Variants in RUBCNL observed in about 807,000 individuals in gnomAD.
The protein encoded by RUBCNL is protein associated with UVRAG as autophagy enhancer.
RUBCNL carries 62 observed loss-of-function variants against 69.5 expected under a neutral mutation model. That is an observed-to-expected ratio of 0.89 (90% CI 0.73 to 1.10). RUBCNL has a LOEUF of 1.10. Ranked by LOEUF, RUBCNL falls within the 50% of genes least tolerant of loss-of-function variation. The probability of loss-of-function intolerance (pLI) is 0.00; values close to 1 mark genes in which losing one functional copy is unlikely to be tolerated. For synonymous variants in RUBCNL, 291 were observed against 303.6 expected, an observed-to-expected ratio of 0.96 and a Z score of 0.43; for missense variants, 768 against 798.1, an observed-to-expected ratio of 0.96 and a Z score of 0.45.
At chr13:46,355,793 C>T (rs2048471764) in intron 10 of RUBCNL, among the ~76,000 whole-genome samples, 1 of 152,194 alleles carries the variant, frequency 6.6e-6, no homozygotes, top group Admixed American at 6.5e-5. Flanking sequence ...ACAGACAACA[C>T]ATGTGGCCTC....
rs370877747 is a variant in RUBCNL, at chr13:46,368,117, C to T, written c.751G>A (p.Asp251Asn). The T allele has an allele frequency of 2.5e-6, 4 of 1,613,870 alleles. No individual in the cohort carries two copies. In the African/African-American group the frequency reaches 5.3e-5, roughly 22 times the overall value. The change falls in exon 5 of 15, where the codon GAC (aspartate) becomes AAC (asparagine). Residue 251 changes from aspartate (D) to asparagine (N), a missense_variant. Asp to Asn is a conservative substitution (Grantham distance 23). Transcript: ENST00000429979. The stretch of plus-strand genomic sequence containing the variant: ...TTGGTATCAAAAGTCATTTCAGAGT[C>T]AGGCTGATCACTCCCAAGTAACCCA... The part of the protein sequence containing the change: ...VSGLLGSDQP[D>N]SEMTFDTNIK...
In RUBCNL at chr13:46,336,058, A is replaced by G. The variant is rs573743789; in HGVS notation, c.*7327T>C. Among the ~76,000 whole-genome samples the G allele has an allele frequency of 7.9e-5, 12 of 152,302 alleles. No individual in the cohort carries two copies. The South Asian group carries it at 2.5e-3, about 32-fold the overall frequency. ...ACAAAGGAGACCAAGAAAAGAGACC[A>G]CTGTCTACAGAGGAAGGGGAGAAAT... On this transcript the variant is annotated 3_prime_UTR_variant, in exon 15 of 15. Transcript: ENST00000429979.
At chr13:46,345,378 G>A in intron 13 of RUBCNL, 69 bp downstream of exon 13, 1 of 1,506,398 alleles carries the variant, frequency 6.6e-7, no homozygotes, top group Non-Finnish European at 8.9e-7. Context: ...GTTAAATGAA[G>A]TCAAGTGCGG....
Position 46,338,569 on chromosome 13 carries a change from C to A in RUBCNL, c.*4816G>T, listed in dbSNP as rs1440523390. Reference sequence around the variant, plus strand: ...CTTTGGGTGCGCTTGCCCTTTGTCTCCTCACCAATGGGGATGTACGTAGCC... The same window carrying A: ...CTTTGGGTGCGCTTGCCCTTTGTCTACTCACCAATGGGGATGTACGTAGCC... On this transcript the variant is annotated 3_prime_UTR_variant, in exon 15 of 15. Transcript: ENST00000429979. Among the ~76,000 whole-genome samples the A allele has an allele frequency of 5.9e-5, 9 of 152,116 alleles. No individual in the cohort carries two copies. The highest frequency in any genetic ancestry group is 5.9e-4 in the Admixed American group (9 of 15,262).
In RUBCNL at chr13:46,338,379, C is replaced by A. The variant is rs1301656280; in HGVS notation, c.*5006G>T. ...CTCTCTCTTCCCACTTTGGCTCCAT[C>A]CTACAAGCAGCTGCCCCTTGGCTGC... On this transcript the variant is annotated 3_prime_UTR_variant, in exon 15 of 15. Coordinates refer to ENST00000429979, the MANE Select transcript of RUBCNL (RefSeq NM_025113.5). Among the ~76,000 whole-genome samples, 1 of 152,126 alleles carries A rather than the reference C, an allele frequency of 6.6e-6. No individual in the cohort carries two copies. Among genetic ancestry groups the A allele is most frequent in the Non-Finnish European group, 1.5e-5 (1 of 68,030 alleles).
chr13:46,387,330 G>A, upstream of RUBCNL: 1 of 985,488 alleles, frequency 1.0e-6, no homozygotes. Flanking sequence ...GGGGGCCACC[G>A]TAGCTCTCTA....
intron 1 of RUBCNL, among the ~76,000 whole-genome samples, chr13:46,380,800 A>G (rs1271967272): frequency 6.6e-6 from 1 of 152,168 alleles, no homozygotes; most frequent in South Asian, 2.1e-4. Context: ...TTTCTTTCCA[A>G]TGAATCATCT....
intron 12 of RUBCNL, 55 bp from the exon 13 acceptor site, chr13:46,345,655 G>C (rs1480032040): frequency 4.5e-6 from 7 of 1,560,496 alleles, no homozygotes; most frequent in Non-Finnish European, 6.1e-6. Flanking sequence ...AGAGGACAGG[G>C]AAGAATGGGG....
intron 1 of RUBCNL, among the ~76,000 whole-genome samples, chr13:46,382,652 ACC>A (rs1438952330): frequency 2.0e-5 from 3 of 151,932 alleles, no homozygotes; most frequent in Non-Finnish European, 4.4e-5. Flanking sequence ...CCTTGCCTTA[ACC>A]TCCCAAGTAG....
intron 1 of RUBCNL, among the ~76,000 whole-genome samples, chr13:46,382,569 G>T (rs1245774112): frequency 1.3e-5 from 2 of 152,106 alleles, no homozygotes; most frequent in East Asian, 3.9e-4. Flanking sequence ...TTTCGCTCTT[G>T]TCACCGAGGC....
intron 2 of RUBCNL, among the ~76,000 whole-genome samples, chr13:46,375,076 G>A (rs1378620202): frequency 2.0e-5 from 3 of 151,976 alleles, no homozygotes; most frequent in Non-Finnish European, 4.4e-5. Flanking sequence ...GTTCATTACC[G>A]CCATTCTCCC....
rs2048107965 is a variant in RUBCNL, at chr13:46,336,827, T to G, written c.*6558A>C. Reference sequence around the variant, plus strand: ...GTGAAGAAGATCATAGAGGTAGAACTGGAAAGGAATGTGAGGTTAAAGAAT... The same window carrying G: ...GTGAAGAAGATCATAGAGGTAGAACGGGAAAGGAATGTGAGGTTAAAGAAT... On this transcript the variant is annotated 3_prime_UTR_variant, in exon 15 of 15. Coordinates refer to ENST00000429979, the MANE Select transcript of RUBCNL (RefSeq NM_025113.5). Among the ~76,000 whole-genome samples the G allele has an allele frequency of 6.6e-6, 1 of 152,132 alleles. No homozygotes were observed. The highest frequency in any genetic ancestry group is 2.4e-5 in the African/African-American group (1 of 41,436).
intron 3 of RUBCNL, among the ~76,000 whole-genome samples, chr13:46,369,909 A>G (rs2048841041): frequency 1.3e-5 from 2 of 152,246 alleles, no homozygotes; most frequent in African/African-American, 4.8e-5. Context: ...TCTTAGCTTC[A>G]GAAGCTATGG....
Position 46,340,433 on chromosome 13 carries a change from G to A in RUBCNL, c.*2952C>T, listed in dbSNP as rs887352370. Among the ~76,000 whole-genome samples the A allele has an allele frequency of 6.6e-5, 10 of 152,088 alleles. No individual in the cohort carries two copies. The highest frequency in any genetic ancestry group is 2.4e-4 in the African/African-American group (10 of 41,396). On this transcript the variant is annotated 3_prime_UTR_variant, in exon 15 of 15. Coordinates refer to ENST00000429979, the MANE Select transcript of RUBCNL (RefSeq NM_025113.5). Reference sequence around the variant, plus strand: ...TTACCATTTGCCCTTGCTTGTACCAGGCCTTTTAGTGGGTGCTTCATTTTC... The same window carrying A: ...TTACCATTTGCCCTTGCTTGTACCAAGCCTTTTAGTGGGTGCTTCATTTTC...
chr13:46,387,702 A>G (rs1353246477), upstream of RUBCNL: 1 of 985,300 alleles, frequency 1.0e-6, no homozygotes, highest in Non-Finnish European at 1.2e-6. Context: ...TCTCTCTCTG[A>G]CCTCTGCTGG....
chr13:46,378,038 T>C, intron 1 of RUBCNL, 33 bp from the exon 2 acceptor site: 3 of 1,102,234 alleles, frequency 2.7e-6, no homozygotes, highest in African/African-American at 3.1e-5. Context: ...CCAGATGCTA[T>C]GATACCACTG....
chr13:46,387,254 GGGA>G (rs2049271721), upstream of RUBCNL: 2 of 985,412 alleles, frequency 2.0e-6, no homozygotes, highest in African/African-American at 3.5e-5. Context: ...AGAAAGGGGA[GGGA>G]GGAGAGCTAC....
At chr13:46,375,287 C>T (rs775132157) in intron 2 of RUBCNL, among the ~76,000 whole-genome samples, 3 of 152,204 alleles carry the variant, frequency 2.0e-5, no homozygotes, top group Admixed American at 6.5e-5. Flanking sequence ...AATCCCAGCA[C>T]TTTGGGAGGC....
intron 12 of RUBCNL, among the ~76,000 whole-genome samples, chr13:46,346,104 A>T (rs1249548355): frequency 3.3e-5 from 5 of 152,196 alleles, no homozygotes; most frequent in Admixed American, 2.0e-4. Flanking sequence ...CATGCAGCCA[A>T]CTGCCAGTGG....
Sources: allele counts gnomAD v4.1 joint callset (sites outside exome capture counted in the v4.1 genomes callset), GRCh38; gene constraint gnomAD v4.1.1; transcripts MANE v1.5; gene names NCBI Gene and HGNC (gene_info 2026-07-23, HGNC 2026-07-21).